The following CBLL1 variants were observed in gnomAD, a reference collection of about 807,000 sequenced individuals.
CBLL1 encodes the protein E3 ubiquitin-protein ligase Hakai.
CBLL1 carries 4 observed loss-of-function variants against 44.9 expected under a neutral mutation model. The observed-to-expected ratio is 0.09, with a 90% CI of 0.04 to 0.20. The LOEUF is 0.20. Among genes scored for constraint, CBLL1 ranks in the 10% least tolerant of loss-of-function variants. CBLL1 has a pLI of 1.00. For missense variants in CBLL1, 569 were observed against 636.7 expected (o/e 0.89, Z 1.14); for synonymous variants, 235 against 202.2 (o/e 1.16, Z -1.38).
rs10229722 is a variant in CBLL1, at chr7:107,751,453, T to C, written c.182-1958T>C. 3.1e-3 allele frequency among the ~76,000 whole-genome samples: 475 copies of C among 152,322 alleles called. 1 individual carries two copies. The highest frequency in any genetic ancestry group is 0.011 in the African/African-American group (462 of 41,576). ...GACTTTCTGTTCTATTCCAGCAATT[T>C]GTCTGTATTTATTTTGTAGAATCAA... On this transcript the variant is annotated intron_variant, in intron 2 of 5. Coordinates refer to ENST00000440859, the MANE Select transcript of CBLL1 (RefSeq NM_024814.4).
chr7:107,750,137 T>C (rs763583553), intron 2 of CBLL1, among the ~76,000 whole-genome samples: 7 of 151,720 alleles, frequency 4.6e-5, no homozygotes, highest in Non-Finnish European at 8.8e-5. Flanking sequence ...TTTGTAGTCA[T>C]GGGGTCTTGC....
chr7:107,755,087 T>C (rs1373430346), intron 4 of CBLL1, among the ~76,000 whole-genome samples: 1 of 152,070 alleles, frequency 6.6e-6, no homozygotes, highest in African/African-American at 2.4e-5. Flanking sequence ...ACCACTGGAC[T>C]CCAGCCTGGG....
In CBLL1 at chr7:107,758,683, G is replaced by T. The variant is rs761442414; in HGVS notation, c.981G>T (p.Val327=). The change falls in exon 6 of 6, where the codon GTG becomes GTT. Residue 327 remains valine (V), a synonymous_variant. Coordinates refer to ENST00000440859, the MANE Select transcript of CBLL1 (RefSeq NM_024814.4). The surrounding 1 kb of genome is among the most constrained non-coding windows in gnomAD (Gnocchi z 4.2). ...ATCCTGAATATCAGGGTCAACCAGTGGTATCGCACCCTCATCATATTATGC... is the reference window on the plus strand; with the variant it reads ...ATCCTGAATATCAGGGTCAACCAGTTGTATCGCACCCTCATCATATTATGC... ...HHHPEYQGQP[V]VSHPHHIMPP... is the part of the protein sequence containing the mutation. The T allele has an allele frequency of 3.0e-5, 48 of 1,613,750 alleles. No homozygotes were observed. The South Asian group carries it at 5.3e-4, about 18-fold the overall frequency.
At chr7:107,747,424 C>T (rs758121195) in intron 1 of CBLL1, among the ~76,000 whole-genome samples, 3 of 152,166 alleles carry the variant, frequency 2.0e-5, no homozygotes, top group Non-Finnish European at 2.9e-5. Context: ...CTTTTTAGTT[C>T]ATTGGAATGT....
At position 107,758,030 on chromosome 7, in the gene CBLL1, T is replaced by C. The variant is rs1008930762; in HGVS notation, c.441-113T>C. On this transcript the variant is annotated intron_variant, in intron 5 of 5. Coordinates refer to ENST00000440859, the MANE Select transcript of CBLL1 (RefSeq NM_024814.4). The surrounding 1 kb of genome is among the most constrained non-coding windows in gnomAD (Gnocchi z 4.2). ...ATAACTGTAACTTCTAATTGTGGAC[T>C]TTTGCTATGTTTTATGTAACAGTCA... The C allele has an allele frequency of 2.1e-6, 2 of 939,200 alleles. No individual in the cohort carries two copies. Among genetic ancestry groups the C allele is most frequent in the Non-Finnish European group, 3.1e-6 (2 of 641,812 alleles). The allele number at this position is 939,200 out of a possible 1,614,324, so 58.2% of individuals were successfully genotyped here. A position where few individuals can be genotyped will look rare whatever the true frequency, so the allele number is the denominator to read the frequency against.
intron 2 of CBLL1, 175 bp downstream of exon 2, chr7:107,749,222 T>G (rs1307939284): frequency 2.2e-5 from 11 of 506,980 alleles, no homozygotes; most frequent in Non-Finnish European, 3.2e-5. Flanking sequence ...TTATAAATAT[T>G]TTTTGATTTG....
chr7:107,750,147 C>A (rs890711553), intron 2 of CBLL1, among the ~76,000 whole-genome samples: 7 of 151,748 alleles, frequency 4.6e-5, no homozygotes, highest in African/African-American at 1.7e-4. Flanking sequence ...TGGGGTCTTG[C>A]TATGTTGCCC....
chr7:107,754,356 A>G (rs1272043828), intron 4 of CBLL1, among the ~76,000 whole-genome samples: 1 of 151,940 alleles, frequency 6.6e-6, no homozygotes, highest in African/African-American at 2.4e-5. Context: ...AATATTTATA[A>G]TTTCTCTTTT....
At chr7:107,757,760 C>T (rs1314725877) in intron 5 of CBLL1, among the ~76,000 whole-genome samples, 2 of 152,130 alleles carry the variant, frequency 1.3e-5, no homozygotes, top group Non-Finnish European at 2.9e-5. Context: ...TCAATAATAC[C>T]ATACTAGTTT....
chr7:107,748,873 A>G lies in CBLL1; in HGVS notation c.14-7A>G, dbSNP rs990317973. The G allele has an allele frequency of 3.2e-6, 5 of 1,575,780 alleles. No homozygotes were observed. Among genetic ancestry groups the G allele is most frequent in the South Asian group, 1.2e-5 (1 of 83,648 alleles). On this transcript the variant is annotated splice_region_variant and splice_polypyrimidine_tract_variant and intron_variant, in intron 1 of 5. Coordinates refer to ENST00000440859, the MANE Select transcript of CBLL1 (RefSeq NM_024814.4). ...AAAGAAATTACAACTTTTTTTTCCTAACACAGACAATGAGTTACAAGGCAC... is the reference window on the plus strand; with the variant it reads ...AAAGAAATTACAACTTTTTTTTCCTGACACAGACAATGAGTTACAAGGCAC...
intron 4 of CBLL1, among the ~76,000 whole-genome samples, chr7:107,754,832 G>A (rs1793456819): frequency 6.6e-6 from 1 of 152,086 alleles, no homozygotes; most frequent in Non-Finnish European, 1.5e-5. Context: ...AGGAGTTTTT[G>A]ACCTGCAGGG....
chr7:107,748,986 T>C lies in CBLL1; in HGVS notation c.120T>C (p.Pro40=), dbSNP rs748597435. 1.9e-6 allele frequency: 3 copies of C among 1,614,156 alleles called. No individual in the cohort carries two copies. The highest frequency in any genetic ancestry group is 2.5e-6 in the Non-Finnish European group (3 of 1,180,006). Residue 40 remains proline, a synonymous_variant, in exon 2 of 6, where the codon CCT becomes CCC. Transcript: ENST00000440859. ...LISKQANKAK[P]APRTQRTINR... is the part of the protein sequence containing the mutation. ...CCAAACAAGCAAACAAAGCGAAACC[T>C]GCACCGCGAACTCAAAGAACTATAA...
chr7:107,758,992 C>T lies in CBLL1; in HGVS notation c.1290C>T (p.Pro430=), dbSNP rs765690554. The T allele has an allele frequency of 6.2e-7, 1 of 1,613,988 alleles. No homozygotes were observed. ...ACCATTATAATCCTAACTCATTACC[C>T]CAGTTCACTGAAGATCAAGGAACTC... ...PPHHYNPNSL[P]QFTEDQGTLS... The change falls in exon 6 of 6, where the codon CCC becomes CCT. Residue 430 remains proline (P), a synonymous_variant. Transcript: ENST00000440859. This position sits in a 1 kb window ranked among gnomAD's most constrained non-coding sequence, Gnocchi z 4.2.
At chr7:107,756,329 T>C (rs983124938) in intron 5 of CBLL1, among the ~76,000 whole-genome samples, 5 of 152,142 alleles carry the variant, frequency 3.3e-5, no homozygotes, top group Admixed American at 1.3e-4. Context: ...TTTTATGGTG[T>C]AGGAAAATTT....
At chr7:107,748,739 GTTAAAC>G (rs1305758478) in intron 1 of CBLL1, 135 bp from the exon 2 acceptor site, 24 of 624,432 alleles carry the variant, frequency 3.8e-5, no homozygotes, top group African/African-American at 5.7e-5. Context: ...AAAATTAGCA[GTTAAAC>G]TTAATGTAAT....
chr7:107,748,391 G>T (rs541178558), intron 1 of CBLL1, among the ~76,000 whole-genome samples: 1 of 152,198 alleles, frequency 6.6e-6, no homozygotes, highest in South Asian at 2.1e-4. Context: ...ATTTTCAAAC[G>T]CATTGTTTAA....
At chr7:107,753,314 G>C in intron 2 of CBLL1, 97 bp from the exon 3 acceptor site, 1 of 713,150 alleles carries the variant, frequency 1.4e-6, no homozygotes, top group South Asian at 1.8e-5. Context: ...CATCAGATGA[G>C]CTTTTTAGTG....
At chr7:107,757,630 ATTGT>A (rs1180594608) in intron 5 of CBLL1, among the ~76,000 whole-genome samples, 4 of 152,154 alleles carry the variant, frequency 2.6e-5, no homozygotes, top group East Asian at 3.8e-4. Context: ...TTGGATTGAA[ATTGT>A]TTGTTTAATG....
At position 107,760,299 on chromosome 7, in the gene CBLL1, C is replaced by T. The variant is rs1280152357; in HGVS notation, c.*1121C>T. 6.6e-6 allele frequency: 1 copy of T among 152,200 alleles called. No homozygotes were observed. Among genetic ancestry groups the T allele is most frequent in the Non-Finnish European group, 1.5e-5 (1 of 67,952 alleles). 9.4% of individuals were successfully genotyped at this position (152,200 alleles called of 1,614,324 possible). ...ATTTGCATTTGCTCAGGTTTCATTGCTGTGTGATAGGATTTTTCCTCTAAC... is the reference window on the plus strand; with the variant it reads ...ATTTGCATTTGCTCAGGTTTCATTGTTGTGTGATAGGATTTTTCCTCTAAC... On this transcript the variant is annotated 3_prime_UTR_variant, in exon 6 of 6. Transcript: ENST00000440859.
Sources: allele counts gnomAD v4.1 joint callset (sites outside exome capture counted in the v4.1 genomes callset), GRCh38; gene constraint gnomAD v4.1.1; non-coding constraint Gnocchi (gnomAD v3.1); transcripts MANE v1.5; gene names NCBI Gene and HGNC (gene_info 2026-07-23, HGNC 2026-07-21).